The following PPEF2 variants were observed in gnomAD, a reference collection of about 807,000 sequenced individuals.
The protein encoded by PPEF2 is serine/threonine-protein phosphatase with EF-hands 2.
Under a neutral mutation model 84.7 loss-of-function variants are expected in PPEF2, and 84 were observed. The observed-to-expected ratio is 0.99, with a 90% CI of 0.83 to 1.19. The LOEUF is 1.19. PPEF2 is among the 50% of genes most tolerant of loss of function. The pLI, the probability that PPEF2 is intolerant of heterozygous loss-of-function variation, is 0.00. For missense variants in PPEF2, 924 were observed against 937.5 expected, an observed-to-expected ratio of 0.99 and a Z score of 0.19; for synonymous variants, 346 against 345.2, an observed-to-expected ratio of 1.00 and a Z score of -0.03.
At chr4:75,873,844 C>G (rs937656095) in intron 11 of PPEF2, among the ~76,000 whole-genome samples, 1 of 151,410 alleles carries the variant, frequency 6.6e-6, no homozygotes, top group African/African-American at 2.4e-5. Context: ...TGGTGGCTAA[C>G]ACCTGTAATC....
At chr4:75,882,515 CT>C (rs1425327394) in intron 10 of PPEF2, among the ~76,000 whole-genome samples, 1 of 149,862 alleles carries the variant, frequency 6.7e-6, no homozygotes, top group African/African-American at 2.4e-5. Flanking sequence ...CACTTGCCCC[CT>C]AGCCCAACTG....
chr4:75,883,459 A>G (rs1434711047), intron 8 of PPEF2: 1 of 488,116 alleles, frequency 2.0e-6, no homozygotes, highest in African/African-American at 1.9e-5. Context: ...TTTATATGAT[A>G]GAGTATGTGT....
Position 75,865,762 on chromosome 4 carries a change from G to A in PPEF2, c.1920+427C>T, listed in dbSNP as rs1724112381. ...GTAACACTGTTAAAAGAAGTACCTA[G>A]CCCAAGGTTGCACATACGTTACATA... is the stretch of plus-strand genomic sequence containing the variant. On this transcript the variant is annotated intron_variant, in intron 15 of 16. Transcript: ENST00000286719. Among the ~76,000 whole-genome samples, 3 of 152,168 alleles carry A rather than the reference G, an allele frequency of 2.0e-5. No individual in the cohort carries two copies. The South Asian group carries it at 6.2e-4, about 32-fold the overall frequency.
chr4:75,867,764 A>G (rs1169770140), intron 13 of PPEF2, among the ~76,000 whole-genome samples: 1 of 152,236 alleles, frequency 6.6e-6, no homozygotes, highest in African/African-American at 2.4e-5. Flanking sequence ...GAAGATTACA[A>G]TGAGTAATTT....
intron 13 of PPEF2, 132 bp downstream of exon 13, chr4:75,871,893 C>G: frequency 1.0e-6 from 1 of 957,088 alleles, no homozygotes; most frequent in Non-Finnish European, 1.5e-6. Context: ...ATTAATAGAA[C>G]TTCATGCTGA....
At chr4:75,863,149 G>C (rs928305135) in intron 16 of PPEF2, among the ~76,000 whole-genome samples, 5 of 152,064 alleles carry the variant, frequency 3.3e-5, no homozygotes, top group Non-Finnish European at 7.4e-5. Context: ...GGAGGGATAG[G>C]GAATGAGGAG....
chr4:75,878,450 C>T (rs6826893), intron 10 of PPEF2, among the ~76,000 whole-genome samples: 16,925 of 152,166 alleles, frequency 0.11, 3,024 homozygotes, highest in African/African-American at 0.38. Flanking sequence ...AATCAAAGAA[C>T]GAGAACTTTC....
At position 75,889,769 on chromosome 4, in the gene PPEF2, G is replaced by A. The variant is rs1377424462; in HGVS notation, c.417+188C>T. Among the ~76,000 whole-genome samples the A allele has an allele frequency of 2.0e-5, 3 of 152,178 alleles. No homozygotes were observed. The East Asian group carries it at 5.8e-4, about 29-fold the overall frequency. On this transcript the variant is annotated intron_variant, in intron 5 of 16. Transcript: ENST00000286719. ...AGAGATTATGTGATTAGGAAGAAAA[G>A]CTGTCAATCATCAGAACTGGCTGAT...
intron 13 of PPEF2, among the ~76,000 whole-genome samples, chr4:75,870,585 C>T (rs558670056): frequency 6.6e-6 from 1 of 152,268 alleles, no homozygotes; most frequent in African/African-American, 2.4e-5. Context: ...CTGTTAGCAT[C>T]TTATATACTC....
At chr4:75,871,816 TG>T (rs1281956136) in intron 13 of PPEF2, among the ~76,000 whole-genome samples, 1 of 152,060 alleles carries the variant, frequency 6.6e-6, no homozygotes, top group Non-Finnish European at 1.5e-5. Context: ...CCATTAATGA[TG>T]GGTAGATAGA....
chr4:75,880,642 G>T lies in PPEF2; in HGVS notation c.933+2284C>A, dbSNP rs542280249. Reference sequence around the variant, plus strand: ...ATACATGCAGCTGGACAGAATGTTTGAGTTGAAAGTTTGTGAGAAAATCAA... The same window carrying T: ...ATACATGCAGCTGGACAGAATGTTTTAGTTGAAAGTTTGTGAGAAAATCAA... On this transcript the variant is annotated intron_variant, in intron 10 of 16. Coordinates refer to ENST00000286719, the MANE Select transcript of PPEF2 (RefSeq NM_006239.3). Among the ~76,000 whole-genome samples, 4 of 152,228 alleles carry T rather than the reference G, an allele frequency of 2.6e-5. No homozygotes were observed. In the South Asian group the frequency reaches 8.3e-4, roughly 32 times the overall value.
intron 14 of PPEF2, chr4:75,866,610 TTTG>T (rs1205042883): frequency 8.4e-6 from 4 of 477,730 alleles, no homozygotes; most frequent in South Asian, 2.1e-5. Context: ...ATAAAAATTA[TTTG>T]TTGTCTGTTT....
At position 75,859,893 on chromosome 4, in the gene PPEF2, AT is replaced by A. The variant is rs1304156229; in HGVS notation, c.*773del. On this transcript the variant is annotated 3_prime_UTR_variant, in exon 17 of 17. Coordinates refer to ENST00000286719, the MANE Select transcript of PPEF2 (RefSeq NM_006239.3). ...AGGGTTTACAATTAGATATTAATTT[AT>A]TTTTTTAAAAGTAGAACATAAAATT... 1.3e-5 allele frequency: 2 copies of A among 152,330 alleles called. No homozygotes were observed. The highest frequency in any genetic ancestry group is 4.8e-5 in the African/African-American group (2 of 41,566). The allele number at this position is 152,330 out of a possible 1,614,324, so 9.4% of individuals were successfully genotyped here.
At chr4:75,892,836 T>C (rs1724921854) in intron 2 of PPEF2, among the ~76,000 whole-genome samples, 1 of 152,224 alleles carries the variant, frequency 6.6e-6, no homozygotes. Flanking sequence ...AACTAGATTC[T>C]TTTTAAGCTC....
intron 4 of PPEF2, among the ~76,000 whole-genome samples, chr4:75,890,721 G>A (rs1226702003): frequency 6.6e-6 from 1 of 152,128 alleles, no homozygotes; most frequent in African/African-American, 2.4e-5. Context: ...AAGGAAAGGG[G>A]AAAGCCAGTG....
chr4:75,878,654 T>C (rs564369698), intron 10 of PPEF2, among the ~76,000 whole-genome samples: 9 of 152,288 alleles, frequency 5.9e-5, no homozygotes, highest in Non-Finnish European at 1.3e-4. Context: ...TCTAGGCAGT[T>C]CCAATCTTGG....
chr4:75,890,807 G>A (rs937965013), intron 4 of PPEF2, among the ~76,000 whole-genome samples: 11 of 152,212 alleles, frequency 7.2e-5, no homozygotes, highest in African/African-American at 2.7e-4. Context: ...CCTTCCAGCA[G>A]CTTCCAGCTG....
At chr4:75,890,468 G>A (rs995029065) in intron 4 of PPEF2, among the ~76,000 whole-genome samples, 9 of 132,434 alleles carry the variant, frequency 6.8e-5, no homozygotes, top group Admixed American at 1.6e-4. Flanking sequence ...CAGCCTGAAC[G>A]ATAGAGTGAG....
intron 4 of PPEF2, among the ~76,000 whole-genome samples, chr4:75,891,157 G>C (rs996649101): frequency 6.6e-6 from 1 of 151,112 alleles, no homozygotes; most frequent in African/African-American, 2.4e-5. Context: ...CTCCAGCCTG[G>C]GTCACAGAAC....
Sources: gnomAD v4.1 joint callset for allele counts (sites outside exome capture counted in the v4.1 genomes callset) on GRCh38, gnomAD v4.1.1 for gene constraint, MANE v1.5 for transcripts, NCBI Gene and HGNC (gene_info 2026-07-23, HGNC 2026-07-21) for gene names.